JADE2: variants seen among roughly 807,000 people sequenced by gnomAD.
The protein encoded by JADE2 is E3 ubiquitin-protein ligase Jade-2.
JADE2 carries 13 observed loss-of-function variants against 85.7 expected under a neutral mutation model. That is an observed-to-expected ratio of 0.15 (90% confidence interval 0.10 to 0.24). The LOEUF (loss-of-function observed/expected upper bound fraction) is 0.24, where lower values mean the gene tolerates loss of function less well. Among genes scored for constraint, JADE2 ranks in the 10% least tolerant of loss-of-function variants. The pLI, the probability that JADE2 is intolerant of heterozygous loss-of-function variation, is 1.00. For missense variants in JADE2, 846 were observed against 1,115.9 expected, an observed-to-expected ratio of 0.76 and a Z score of 3.45; for synonymous variants, 440 against 456.1, an observed-to-expected ratio of 0.96 and a Z score of 0.45.
chr5:134,582,981 T>C lies in JADE2; in HGVS notation c.*3664T>C, dbSNP rs1405931697. On this transcript the variant is annotated 3_prime_UTR_variant, in exon 12 of 12. Transcript: ENST00000681547. ...ATTAACGCAAAGACCTATTTCTCCT[T>C]TTTGTACATTGTCCATGTGCGCAAC... 1 of 152,672 alleles carries C rather than the reference T, an allele frequency of 6.5e-6. No individual in the cohort carries two copies. Among genetic ancestry groups the C allele is most frequent in the Non-Finnish European group, 1.5e-5 (1 of 68,052 alleles). 9.5% of individuals were successfully genotyped at this position (152,672 alleles called of 1,614,324 possible).
chr5:134,578,986 C>G lies in JADE2; in HGVS notation c.2174C>G (p.Pro725Arg), dbSNP rs763222107. The G allele has an allele frequency of 1.2e-6, 2 of 1,613,618 alleles. No individual in the cohort carries two copies. Among genetic ancestry groups the G allele is most frequent in the Non-Finnish European group, 1.7e-6 (2 of 1,179,988 alleles). Residue 725 changes from proline to arginine, a missense_variant, in exon 12 of 12, where the codon CCG (proline) becomes CGG (arginine). Around this residue, in one of 9 missense-constraint regions of JADE2, gnomAD observed 300 missense variants for 300.7 expected, o/e 1.00. Transcript: ENST00000681547. The surrounding 1 kb of genome is among the most constrained non-coding windows in gnomAD (Gnocchi z 4.4). ...CCCCCGCCACTGGCCCCTGAGACCC[C>G]GGACGAGGCAGCCTCAGTAGCTGCT... Reference protein sequence around the residue: ...ESPPPLAPETPDEAASVAADS... With the variant: ...ESPPPLAPETRDEAASVAADS...
In JADE2 at chr5:134,581,766, G is replaced by C. The variant is rs1183709740; in HGVS notation, c.*2449G>C. 1 of 153,834 alleles carries C rather than the reference G, an allele frequency of 6.5e-6. No homozygotes were observed. Among genetic ancestry groups the C allele is most frequent in the Non-Finnish European group, 1.4e-5 (1 of 69,482 alleles). 9.5% of individuals were successfully genotyped at this position (153,834 alleles called of 1,614,324 possible). A position where few individuals can be genotyped will look rare whatever the true frequency, so the allele number is the denominator to read the frequency against. ...TGGCTGGCTGCTGCGAGGGGAGGGGGGTGGCCTTTCATTTGGGGTGCCCTT... is the reference window on the plus strand; with the variant it reads ...TGGCTGGCTGCTGCGAGGGGAGGGGCGTGGCCTTTCATTTGGGGTGCCCTT... On this transcript the variant is annotated 3_prime_UTR_variant, in exon 12 of 12. Coordinates refer to ENST00000681547, the MANE Select transcript of JADE2 (RefSeq NM_001388185.1).
chr5:134,563,007 GT>G (rs1763417911), intron 7 of JADE2, among the ~76,000 whole-genome samples: 1 of 152,140 alleles, frequency 6.6e-6, no homozygotes, highest in African/African-American at 2.4e-5. Context: ...CTTAGCAGTT[GT>G]TCCAACCAAA....
intron 9 of JADE2, among the ~76,000 whole-genome samples, chr5:134,569,797 A>G (rs558941954): frequency 6.6e-6 from 1 of 152,252 alleles, no homozygotes; most frequent in Admixed American, 6.5e-5. Context: ...GCCTCCCACC[A>G]AAGCCAACCT....
In JADE2 at chr5:134,560,971, C is replaced by T; in HGVS notation, c.684+14C>T. ...TGTGTGCATCAGGTGGGCAGACCCC[C>T]CAGTCACCCTCACCTGTGCCATGTA... On this transcript the variant is annotated intron_variant, in intron 6 of 11. Transcript: ENST00000681547. 6.2e-7 allele frequency: 1 copy of T among 1,606,432 alleles called. No individual in the cohort carries two copies. Among genetic ancestry groups the T allele is most frequent in the Non-Finnish European group, 8.5e-7 (1 of 1,174,750 alleles).
chr5:134,526,220 G>C, intron 1 of JADE2: 2 of 985,510 alleles, frequency 2.0e-6, no homozygotes, highest in Non-Finnish European at 2.4e-6. Flanking sequence ...ATGTTGGTCA[G>C]TCGTGTTTTA....
intron 9 of JADE2, among the ~76,000 whole-genome samples, chr5:134,570,960 C>G (rs1005853197): frequency 1.1e-4 from 17 of 152,282 alleles, no homozygotes; most frequent in African/African-American, 3.4e-4. Context: ...TTTCCTAGGC[C>G]TGCCCGTGTG....
Position 134,573,705 on chromosome 5 carries a change from C to A in JADE2, c.1495C>A (p.Leu499Ile). The A allele has an allele frequency of 6.2e-7, 1 of 1,613,992 alleles. No homozygotes were observed. Among genetic ancestry groups the A allele is most frequent in the African/African-American group, 1.3e-5 (1 of 75,052 alleles). Reference protein sequence around the residue: ...RERTKHAICKLQEQIFHLQMK... With the variant: ...RERTKHAICKIQEQIFHLQMK... ...GAGAACGAAACACGCCATCTGCAAA[C>A]TCCAGGAGCAGATATTCCACCTGCA... Residue 499 changes from leucine to isoleucine, a missense_variant, in exon 10 of 12, where the codon CTC (leucine) becomes ATC (isoleucine). Transcript: ENST00000681547.
At position 134,576,856 on chromosome 5, in the gene JADE2, G is replaced by T; in HGVS notation, c.1641G>T (p.Glu547Asp). ...EGSKGSTEKK[E>D]KVKAGPDSVL... ...CCAAGGGCAGCACTGAGAAGAAAGA[G>T]AAAGTGAAGGCGGGGCCTGACTCAG... Residue 547 changes from glutamate (E) to aspartate (D), a missense_variant, in exon 11 of 12, where the codon GAG becomes GAT. Transcript: ENST00000681547. 1 of 1,549,980 alleles carries T rather than the reference G, an allele frequency of 6.5e-7. No individual in the cohort carries two copies. Among genetic ancestry groups the T allele is most frequent in the Non-Finnish European group, 8.7e-7 (1 of 1,146,636 alleles).
intron 4 of JADE2, among the ~76,000 whole-genome samples, chr5:134,557,229 T>A (rs2149960087): frequency 6.7e-6 from 1 of 149,506 alleles, no homozygotes; most frequent in Non-Finnish European, 1.5e-5. Context: ...ATGATTATTA[T>A]TTTTTTTGTT....
At chr5:134,536,535 C>A (rs188351031) in intron 2 of JADE2, 2 of 152,174 alleles carry the variant, frequency 1.3e-5, no homozygotes, top group African/African-American at 4.8e-5. Context: ...ATTGCACTAT[C>A]AAGCAGCAGA....
chr5:134,550,964 C>T (rs1332327203), intron 3 of JADE2, among the ~76,000 whole-genome samples: 2 of 152,106 alleles, frequency 1.3e-5, no homozygotes, highest in African/African-American at 2.4e-5. Flanking sequence ...CAAAGCCGGT[C>T]GAGTTAGGAG....
At chr5:134,524,043 A>G (rs1333322020), upstream of JADE2, among the ~76,000 whole-genome samples, 1 of 152,186 alleles carries the variant, frequency 6.6e-6, no homozygotes, top group East Asian at 1.9e-4. Context: ...GCCAAAGGTG[A>G]GCTGAAAAAT....
At chr5:134,538,360 T>C (rs928713752) in intron 3 of JADE2, among the ~76,000 whole-genome samples, 9 of 152,128 alleles carry the variant, frequency 5.9e-5, no homozygotes, top group Admixed American at 5.2e-4. Flanking sequence ...CCCTGGCCGC[T>C]GTGAGAGAAG....
intron 3 of JADE2, among the ~76,000 whole-genome samples, chr5:134,551,620 A>G (rs2589408): frequency 0.72 from 109,164 of 151,390 alleles, 39,862 homozygotes; most frequent in African/African-American, 0.82. Flanking sequence ...TCAAGCAGTT[A>G]TCCCACCTCA....
intron 7 of JADE2, 22 bp from the exon 8 acceptor site, chr5:134,564,472 C>G (rs1446448520): frequency 2.0e-6 from 3 of 1,510,772 alleles, no homozygotes; most frequent in Non-Finnish European, 1.8e-6. Context: ...AGGAATGATG[C>G]AGCCCCCTGT....
intron 1 of JADE2, chr5:134,533,447 C>T: frequency 1.4e-6 from 1 of 735,706 alleles, no homozygotes; most frequent in South Asian, 6.2e-5. Context: ...CCCAAGGTCC[C>T]TGGTCTATGA....
Position 134,545,501 on chromosome 5 carries a change from T to G in JADE2, c.154-6551T>G, listed in dbSNP as rs564268978. ...GGTAGCTATTCTCATAGCCCTTCTT[T>G]CGTGTTTTATACTGAATTTTAACTG... is the stretch of plus-strand genomic sequence containing the variant. On this transcript the variant is annotated intron_variant, in intron 3 of 11. Transcript: ENST00000681547. Among the ~76,000 whole-genome samples the G allele has an allele frequency of 4.1e-4, 62 of 152,212 alleles. 1 individual carries two copies. Among genetic ancestry groups the G allele is most frequent in the Admixed American group, 3.9e-4 (6 of 15,300 alleles).
rs372880368 is a variant in JADE2, at chr5:134,560,727, C to T, written c.473-19C>T. 6.0e-5 allele frequency: 97 copies of T among 1,607,576 alleles called. No homozygotes were observed. In the African/African-American group the frequency reaches 1.1e-3, roughly 18 times the overall value. ...GGCTGGGCTCCTAACACCACCATGC[C>T]CTGCTGTCCTCCTCACAGAGAGGCC... On this transcript the variant is annotated intron_variant, in intron 5 of 11. Transcript: ENST00000681547.
Sources: gnomAD v4.1 joint callset for allele counts (sites outside exome capture counted in the v4.1 genomes callset) on GRCh38, gnomAD v4.1.1 for gene constraint, gnomAD v4.1.1 regional missense constraint, Gnocchi (gnomAD v3.1) non-coding constraint, MANE v1.5 for transcripts, NCBI Gene and HGNC (gene_info 2026-07-23, HGNC 2026-07-21) for gene names.